The following FLVCR2 variants were observed in gnomAD, a reference collection of about 807,000 sequenced individuals.
The protein encoded by FLVCR2 is choline/ethanolamine transporter FLVCR2.
In FLVCR2, 38 loss-of-function variants were observed where a neutral mutation model predicts 48.9. The observed-to-expected ratio is 0.78, with a 90% CI of 0.60 to 1.02. FLVCR2 has a LOEUF of 1.02. Ranked by LOEUF, FLVCR2 falls within the 50% of genes least tolerant of loss-of-function variation. The probability of loss-of-function intolerance (pLI) is 0.00; values close to 1 mark genes in which losing one functional copy is unlikely to be tolerated. For missense variants in FLVCR2, 664 were observed against 663.3 expected (o/e 1.00, Z -0.01); for synonymous variants, 255 against 257.0 (o/e 0.99, Z 0.07).
chr14:75,625,497 G>A (rs1207110739), intron 3 of FLVCR2, among the ~76,000 whole-genome samples: 1 of 151,930 alleles, frequency 6.6e-6, no homozygotes, highest in Non-Finnish European at 1.5e-5. Context: ...ACTAAAGAGT[G>A]TCCTCCAGAT....
intron 1 of FLVCR2, chr14:75,595,836 T>A: frequency 2.2e-6 from 2 of 908,990 alleles, no homozygotes; most frequent in Non-Finnish European, 3.7e-6. Context: ...AGCACCAACA[T>A]TGGCCTTTGC....
chr14:75,627,229 A>T (rs184814633), intron 3 of FLVCR2, among the ~76,000 whole-genome samples: 1 of 152,122 alleles, frequency 6.6e-6, no homozygotes, highest in Admixed American at 6.5e-5. Context: ...TATCTATTTG[A>T]TTAAATGATA....
chr14:75,631,855 C>T (rs1016911066), intron 3 of FLVCR2: 4 of 455,854 alleles, frequency 8.8e-6, no homozygotes, highest in South Asian at 1.5e-5. Context: ...GATGGGAATG[C>T]TGCTTGAATG....
intron 8 of FLVCR2, 30 bp from the exon 9 acceptor site, chr14:75,641,811 GTC>G (rs1187643670): frequency 6.3e-7 from 1 of 1,592,160 alleles, no homozygotes; most frequent in African/African-American, 1.3e-5. Flanking sequence ...CTGTATTTTT[GTC>G]TCTCTTCCTT....
intron 1 of FLVCR2, among the ~76,000 whole-genome samples, chr14:75,593,423 C>T (rs1888934018): frequency 6.6e-6 from 1 of 152,142 alleles, no homozygotes; most frequent in Non-Finnish European, 1.5e-5. Context: ...TATAACATGA[C>T]AGAGAAGGTT....
intron 1 of FLVCR2, among the ~76,000 whole-genome samples, chr14:75,601,277 G>T (rs1889160997): frequency 1.3e-5 from 2 of 152,256 alleles, no homozygotes; most frequent in African/African-American, 4.8e-5. Context: ...CCTTGGGCGG[G>T]CCAGGTGTTC....
chr14:75,637,499 G>A (rs1011956921), intron 5 of FLVCR2, among the ~76,000 whole-genome samples: 2 of 152,052 alleles, frequency 1.3e-5, no homozygotes, highest in African/African-American at 4.8e-5. Flanking sequence ...GGCGGAGGCG[G>A]GCAGATCATG....
chr14:75,581,978 G>A (rs543496022), intron 1 of FLVCR2, among the ~76,000 whole-genome samples: 22 of 152,174 alleles, frequency 1.4e-4, no homozygotes, highest in Non-Finnish European at 2.5e-4. Context: ...TCCAAGAACC[G>A]TTTGCCTTGT....
rs927169455 is a variant in FLVCR2 at position 75,647,385 on chromosome 14, C to T, written c.*913C>T. On this transcript the variant is annotated 3_prime_UTR_variant, in exon 10 of 10. Coordinates refer to ENST00000238667, the MANE Select transcript of FLVCR2 (RefSeq NM_017791.3). ...TTTTATTCCAAGGCAGGGTAATCCCCGTCAACTTACTCTAACCTTTGCTGA... is the reference window on the plus strand; with the variant it reads ...TTTTATTCCAAGGCAGGGTAATCCCTGTCAACTTACTCTAACCTTTGCTGA... The T allele has an allele frequency of 2.6e-5, 4 of 152,154 alleles. No individual in the cohort carries two copies. The highest frequency in any genetic ancestry group is 7.2e-5 in the African/African-American group (3 of 41,432). The allele number at this position is 152,154 out of a possible 1,614,324, so 9.4% of individuals were successfully genotyped here. A position where few individuals can be genotyped will look rare whatever the true frequency, so the allele number is the denominator to read the frequency against.
At chr14:75,598,122 G>C (rs535967442) in intron 1 of FLVCR2, among the ~76,000 whole-genome samples, 1 of 152,138 alleles carries the variant, frequency 6.6e-6, no homozygotes, top group East Asian at 1.9e-4. Context: ...TGGGATTACA[G>C]GTGTGAGCCA....
intron 6 of FLVCR2, among the ~76,000 whole-genome samples, chr14:75,640,463 G>A (rs979339322): frequency 9.9e-5 from 15 of 151,968 alleles, no homozygotes; most frequent in African/African-American, 3.4e-4. Context: ...GAGAGAAAGA[G>A]GGAGAGAGCA....
chr14:75,645,043 T>G (rs138822649), intron 9 of FLVCR2, among the ~76,000 whole-genome samples: 17 of 37,902 alleles, frequency 4.5e-4, no homozygotes, highest in Admixed American at 2.1e-3. Flanking sequence ...GGTGTGTGTG[T>G]GTGTGTGTGT....
intron 1 of FLVCR2, among the ~76,000 whole-genome samples, chr14:75,587,400 CAGTTTTGTTTAG>C (rs771807748): frequency 8.5e-5 from 13 of 152,232 alleles, no homozygotes; most frequent in African/African-American, 9.6e-5. Context: ...TAGTTTCCAG[CAGTTTTGTTTAG>C]AGTTTGAGGG....
chr14:75,635,846 G>GA (rs1181102912), intron 5 of FLVCR2, among the ~76,000 whole-genome samples: 3 of 151,592 alleles, frequency 2.0e-5, no homozygotes, highest in African/African-American at 7.3e-5. Flanking sequence ...CCTGGCTCAA[G>GA]AAAAAAAAGA....
At chr14:75,624,837 T>C in intron 3 of FLVCR2, 85 bp downstream of exon 3, 1 of 1,520,388 alleles carries the variant, frequency 6.6e-7, no homozygotes, top group Non-Finnish European at 9.1e-7. Context: ...TTACTCTTTC[T>C]AAATCCCAAA....
chr14:75,622,340 AGTCTGG>A, intron 2 of FLVCR2, 120 bp downstream of exon 2: 1 of 1,040,014 alleles, frequency 9.6e-7, no homozygotes, highest in South Asian at 1.3e-5. Flanking sequence ...CAGAAACTGG[AGTCTGG>A]GCTTCTTATG....
At chr14:75,606,744 G>T (rs535184197) in intron 1 of FLVCR2, among the ~76,000 whole-genome samples, 7 of 152,212 alleles carry the variant, frequency 4.6e-5, no homozygotes, top group African/African-American at 1.7e-4. Flanking sequence ...TTGAGTCCAG[G>T]AGTTGGAAAC....
At chr14:75,612,123 A>G (rs1283366650) in intron 1 of FLVCR2, among the ~76,000 whole-genome samples, 1 of 152,170 alleles carries the variant, frequency 6.6e-6, no homozygotes, top group Admixed American at 6.5e-5. Flanking sequence ...CAAAAGAAAA[A>G]AATTAATAAT....
At chr14:75,616,538 G>A (rs749951458) in intron 1 of FLVCR2, among the ~76,000 whole-genome samples, 4 of 152,050 alleles carry the variant, frequency 2.6e-5, no homozygotes, top group Non-Finnish European at 5.9e-5. Context: ...TATGGAGTAT[G>A]GACTTTTTTG....
Sources: gnomAD v4.1 joint callset for allele counts (sites outside exome capture counted in the v4.1 genomes callset) on GRCh38, gnomAD v4.1.1 for gene constraint, MANE v1.5 for transcripts, NCBI Gene and HGNC (gene_info 2026-07-23, HGNC 2026-07-21) for gene names.